PDE3B: variants seen among roughly 807,000 people sequenced by gnomAD.
The protein encoded by PDE3B is cGMP-inhibited 3',5'-cyclic phosphodiesterase 3B.
PDE3B carries 66 observed loss-of-function variants against 116.8 expected under a neutral mutation model. The observed-to-expected ratio is 0.56, with a 90% CI of 0.46 to 0.69. PDE3B has a LOEUF of 0.69. PDE3B is among the 30% of genes least tolerant of loss of function. The pLI is 0.00. For missense variants in PDE3B, 1,384 were observed against 1,368.1 expected (o/e 1.01, Z -0.18); for synonymous variants, 595 against 533.6 (o/e 1.12, Z -1.59).
At chr11:14,761,244 G>A (rs1346362468) in intron 1 of PDE3B, among the ~76,000 whole-genome samples, 1 of 152,042 alleles carries the variant, frequency 6.6e-6, no homozygotes, top group Non-Finnish European at 1.5e-5. Context: ...TCCTTTCTAT[G>A]CCATTTGGAA....
At chr11:14,833,038 C>T (rs977326767) in intron 10 of PDE3B, among the ~76,000 whole-genome samples, 1 of 151,862 alleles carries the variant, frequency 6.6e-6, no homozygotes, top group African/African-American at 2.4e-5. Context: ...GCAACCTCCG[C>T]CCCCCACGTT....
At chr11:14,844,142 C>G in intron 12 of PDE3B, 116 bp downstream of exon 12, 1 of 707,936 alleles carries the variant, frequency 1.4e-6, no homozygotes, top group East Asian at 2.6e-5. Flanking sequence ...GACTTTAATA[C>G]CCTACATTTT....
chr11:14,794,069 T>C (rs1565139960), intron 4 of PDE3B, among the ~76,000 whole-genome samples: 1 of 152,230 alleles, frequency 6.6e-6, no homozygotes, highest in Non-Finnish European at 1.5e-5. Flanking sequence ...TCTTAAAATA[T>C]AGCTTAGCTC....
chr11:14,745,828 C>T (rs1856896853), intron 1 of PDE3B, among the ~76,000 whole-genome samples: 1 of 152,186 alleles, frequency 6.6e-6, no homozygotes, highest in Non-Finnish European at 1.5e-5. Flanking sequence ...TGGCTGGATT[C>T]TCTTGGAATT....
chr11:14,742,190 A>C (rs898060022), intron 1 of PDE3B, among the ~76,000 whole-genome samples: 1 of 152,204 alleles, frequency 6.6e-6, no homozygotes, highest in African/African-American at 2.4e-5. Flanking sequence ...GTGTTTTCCA[A>C]CTTGGTTCCA....
intron 1 of PDE3B, among the ~76,000 whole-genome samples, chr11:14,768,758 A>G (rs1857561469): frequency 6.6e-6 from 1 of 151,426 alleles, no homozygotes; most frequent in African/African-American, 2.4e-5. Context: ...GCTTTTGTAA[A>G]ATACACTAAA....
At chr11:14,786,858 T>C (rs1858218863) in intron 3 of PDE3B, among the ~76,000 whole-genome samples, 173 bp downstream of exon 3, 1 of 152,050 alleles carries the variant, frequency 6.6e-6, no homozygotes, top group Non-Finnish European at 1.5e-5. Flanking sequence ...TAGTTGAGTA[T>C]TCAGTTTTTA....
chr11:14,857,794 T>G (rs1847877465), intron 12 of PDE3B, among the ~76,000 whole-genome samples: 1 of 152,190 alleles, frequency 6.6e-6, no homozygotes, highest in Non-Finnish European at 1.5e-5. Flanking sequence ...CATTGTACAT[T>G]GTGTTGTATT....
intron 1 of PDE3B, among the ~76,000 whole-genome samples, chr11:14,670,818 A>G (rs1326064266): frequency 1.3e-5 from 2 of 150,912 alleles, no homozygotes; most frequent in Non-Finnish European, 3.0e-5. Context: ...TTCTGTTCCT[A>G]ACTACCTTCC....
At chr11:14,676,730 T>A (rs967384201) in intron 1 of PDE3B, among the ~76,000 whole-genome samples, 1 of 152,208 alleles carries the variant, frequency 6.6e-6, no homozygotes, top group African/African-American at 2.4e-5. Flanking sequence ...ATTATGGATG[T>A]GAGTCCTTTG....
chr11:14,778,278 A>C (rs1371218490), intron 2 of PDE3B, among the ~76,000 whole-genome samples: 1 of 152,200 alleles, frequency 6.6e-6, no homozygotes, highest in Non-Finnish European at 1.5e-5. Context: ...AAACTTCTGC[A>C]GACTTAAATG....
intron 5 of PDE3B, among the ~76,000 whole-genome samples, chr11:14,811,017 T>G (rs552916459): frequency 3.4e-4 from 52 of 152,210 alleles, no homozygotes; most frequent in African/African-American, 1.2e-3. Context: ...ATGGGGTTGT[T>G]TGTTTTTTTC....
Position 14,867,630 on chromosome 11 carries a change from ATGCTGCTGGTT to A in PDE3B, c.3016_3026del (p.Ala1006ThrfsTer11), listed in dbSNP as rs1165307312. 6.2e-7 allele frequency: 1 copy of A among 1,614,000 alleles called. No homozygotes were observed. Among genetic ancestry groups the A allele is most frequent in the Non-Finnish European group, 8.5e-7 (1 of 1,180,034 alleles). On this transcript the variant is annotated frameshift_variant, in exon 15 of 16. Coordinates refer to ENST00000282096, the MANE Select transcript of PDE3B (RefSeq NM_000922.4). LOFTEE classifies it high-confidence loss of function. ...GTGGGTCCCCTGTGTAACTCCTATGATGCTGCTGGTTTGCTACCAGGTCAGTGGTTAGAAGC... is the reference window on the plus strand; with the variant it reads ...GTGGGTCCCCTGTGTAACTCCTATGATGCTACCAGGTCAGTGGTTAGAAGC...
the PDE3B span, chr11:14,877,824 T>G: frequency 3.1e-6 from 1 of 317,588 alleles, no homozygotes; most frequent in South Asian, 5.5e-5. Context: ...AAGTACCTGG[T>G]ACTAAACAAG....
chr11:14,884,838 G>A, the PDE3B span, among the ~76,000 whole-genome samples: 1 of 151,862 alleles, frequency 6.6e-6, no homozygotes, highest in Non-Finnish European at 1.5e-5. Flanking sequence ...AAATATTACT[G>A]TGATTGCATC....
Position 14,819,144 on chromosome 11 carries a change from ATCAAATGCTGAAATATGTT to A in PDE3B, c.1747_1765del (p.Met583HisfsTer53), listed in dbSNP as rs767135750. The A allele has an allele frequency of 6.3e-7, 1 of 1,586,260 alleles. No homozygotes were observed. ...CTATTTTATTCTATAAGCTGTGGACATCAAATGCTGAAATATGTTTCAACATCTGAATCAGATGGTACAG... is the reference window on the plus strand; with the variant it reads ...CTATTTTATTCTATAAGCTGTGGACATCAACATCTGAATCAGATGGTACAG... On this transcript the variant is annotated frameshift_variant, in exon 7 of 16. Transcript: ENST00000282096. LOFTEE classifies it high-confidence loss of function.
intron 7 of PDE3B, 49 bp downstream of exon 7, chr11:14,819,258 C>T (rs757888146): frequency 5.4e-6 from 6 of 1,103,514 alleles, no homozygotes; most frequent in African/African-American, 3.1e-5. Flanking sequence ...AAATTTCTTA[C>T]AATGATTTTT....
In PDE3B at chr11:14,644,908, T is replaced by C. The variant is rs774014665; in HGVS notation, c.833T>C (p.Leu278Pro). 1 of 1,614,066 alleles carries C rather than the reference T, an allele frequency of 6.2e-7. No homozygotes were observed. Among genetic ancestry groups the C allele is most frequent in the Non-Finnish European group, 8.5e-7 (1 of 1,180,018 alleles). ...QIREAPLHPR[L>P]SSAAEEKVPV... Reference sequence around the variant, plus strand: ...AGGGAAGCGCCTCTTCATCCTCGACTGTCCAGTGCCGCCGAAGAAAAAGTG... The same window carrying C: ...AGGGAAGCGCCTCTTCATCCTCGACCGTCCAGTGCCGCCGAAGAAAAAGTG... The change falls in exon 1 of 16, where the codon CTG becomes CCG. Residue 278 changes from leucine to proline, a missense_variant. Physicochemically the swap from Leu to Pro is moderately conservative, Grantham distance 98. Coordinates refer to ENST00000282096, the MANE Select transcript of PDE3B (RefSeq NM_000922.4).
intron 5 of PDE3B, among the ~76,000 whole-genome samples, chr11:14,814,839 G>T (rs1209430442): frequency 6.6e-6 from 1 of 152,122 alleles, no homozygotes; most frequent in Non-Finnish European, 1.5e-5. Context: ...GCGGGCACCT[G>T]TAGTCCCAGC....
Sources: gnomAD v4.1 joint callset for allele counts (sites outside exome capture counted in the v4.1 genomes callset) on GRCh38, gnomAD v4.1.1 for gene constraint, MANE v1.5 for transcripts, NCBI Gene and HGNC (gene_info 2026-07-23, HGNC 2026-07-21) for gene names.